The following ENOX1 variants were observed in gnomAD, a reference collection of about 807,000 sequenced individuals.
The protein encoded by ENOX1 is candidate growth-related and time keeping constitutive hydroquinone (NADH) oxidase.
ENOX1 carries 42 observed loss-of-function variants against 82.5 expected under a neutral mutation model. The ratio of observed to expected loss-of-function variants is 0.51; its 90% CI spans 0.40 to 0.66. The LOEUF (loss-of-function observed/expected upper bound fraction) is 0.66. ENOX1 is among the 30% of genes least tolerant of loss of function. The pLI, the probability that ENOX1 is intolerant of heterozygous loss-of-function variation, is 0.00. For synonymous variants in ENOX1, 271 were observed against 282.2 expected (o/e 0.96, Z 0.40); for missense variants, 608 against 811.6 (o/e 0.75, Z 3.05).
At chr13:43,771,641 G>C (rs1951608019) in intron 1 of ENOX1, among the ~76,000 whole-genome samples, 1 of 152,114 alleles carries the variant, frequency 6.6e-6, no homozygotes, top group African/African-American at 2.4e-5. Context: ...TCTACCAAAG[G>C]CAAACAGAAG....
chr13:43,260,256 G>T (rs1307295521), intron 14 of ENOX1, among the ~76,000 whole-genome samples: 1 of 152,234 alleles, frequency 6.6e-6, no homozygotes, highest in Non-Finnish European at 1.5e-5. Context: ...AGGAGGTGAC[G>T]TGAAAAACTG....
In ENOX1 at chr13:43,673,335, G is replaced by A. The variant is rs371866572; in HGVS notation, c.-284-5791C>T. On this transcript the variant is annotated intron_variant, in intron 1 of 16. Transcript: ENST00000690772. Reference sequence around the variant, plus strand: ...CTTCTACCATATCCCTGACACATACGACTCACCCAGAGGATCCACTTTTCA... The same window carrying A: ...CTTCTACCATATCCCTGACACATACAACTCACCCAGAGGATCCACTTTTCA... Among the ~76,000 whole-genome samples the A allele has an allele frequency of 5.9e-5, 9 of 152,080 alleles. No individual in the cohort carries two copies. In the East Asian group the frequency reaches 7.7e-4, roughly 13 times the overall value.
intron 3 of ENOX1, among the ~76,000 whole-genome samples, chr13:43,438,139 G>T (rs2056145008): frequency 6.6e-6 from 1 of 152,206 alleles, no homozygotes; most frequent in Admixed American, 6.5e-5. Flanking sequence ...GTAGGCAGGG[G>T]TCATGCTAAG....
intron 2 of ENOX1, among the ~76,000 whole-genome samples, chr13:43,659,942 C>A (rs183416105): frequency 4.6e-5 from 7 of 152,322 alleles, no homozygotes. Context: ...TTTCCTGATA[C>A]TTCTCAATCC....
chr13:43,756,549 C>CAG (rs1335268552), intron 1 of ENOX1, among the ~76,000 whole-genome samples: 1 of 147,454 alleles, frequency 6.8e-6, no homozygotes, highest in Non-Finnish European at 1.5e-5. Context: ...GGAGGGGAGG[C>CAG]AGAGAGAGAG....
At chr13:43,406,710 G>A (rs1382743519) in intron 5 of ENOX1, among the ~76,000 whole-genome samples, 3 of 152,008 alleles carry the variant, frequency 2.0e-5, no homozygotes, top group East Asian at 3.9e-4. Context: ...AGCCAGGATA[G>A]TCTCAATCTC....
chr13:43,448,489 C>T lies in ENOX1; in HGVS notation c.-74-35501G>A, dbSNP rs561049858. Among the ~76,000 whole-genome samples the T allele has an allele frequency of 5.4e-4, 82 of 152,198 alleles. 1 individual carries two copies. The highest frequency in any genetic ancestry group is 1.8e-3 in the African/African-American group (73 of 41,510). ...CTTTGCCATTTCAAAGAGTTACTAG[C>T]CTTGAGGCTATAGTTATAAGACAAA... On this transcript the variant is annotated intron_variant, in intron 3 of 16. Transcript: ENST00000690772.
rs187018465 is a variant in ENOX1 at position 43,557,822 on chromosome 13, A to G, written c.-218-73670T>C. On this transcript the variant is annotated intron_variant, in intron 2 of 16. Coordinates refer to ENST00000690772, the MANE Select transcript of ENOX1 (RefSeq NM_001347969.2). Reference sequence around the variant, plus strand: ...CTAACAGAAGTTTTAAATTTTTAAAAAATTCATTTTGTGGTTGTAAGTACA... The same window carrying G: ...CTAACAGAAGTTTTAAATTTTTAAAGAATTCATTTTGTGGTTGTAAGTACA... 4.6e-5 allele frequency among the ~76,000 whole-genome samples: 7 copies of G among 152,290 alleles called. No homozygotes were observed. In the East Asian group the frequency reaches 1.3e-3, roughly 29 times the overall value.
At chr13:43,289,240 A>G (rs780511122) in intron 12 of ENOX1, among the ~76,000 whole-genome samples, 1 of 152,170 alleles carries the variant, frequency 6.6e-6, no homozygotes, top group East Asian at 1.9e-4. Context: ...TATGGAACCA[A>G]AAAGAGCCCC....
At chr13:43,491,037 T>G (rs1485539093) in intron 2 of ENOX1, among the ~76,000 whole-genome samples, 1 of 152,212 alleles carries the variant, frequency 6.6e-6, no homozygotes, top group Non-Finnish European at 1.5e-5. Context: ...AAATTTATTT[T>G]GGCTTATGGT....
intron 2 of ENOX1, among the ~76,000 whole-genome samples, chr13:43,619,531 A>T (rs2082633849): frequency 6.6e-6 from 1 of 151,938 alleles, no homozygotes; most frequent in Non-Finnish European, 1.5e-5. Context: ...GTCTTAAATT[A>T]TGTTTATGTG....
intron 5 of ENOX1, among the ~76,000 whole-genome samples, chr13:43,392,895 T>C (rs1431361923): frequency 6.6e-6 from 1 of 152,206 alleles, no homozygotes; most frequent in Admixed American, 6.5e-5. Flanking sequence ...ATTAGATGTG[T>C]TTTGAAGAAA....
At chr13:43,520,218 G>A (rs746839953) in intron 2 of ENOX1, among the ~76,000 whole-genome samples, 7 of 152,028 alleles carry the variant, frequency 4.6e-5, no homozygotes, top group Non-Finnish European at 1.0e-4. Flanking sequence ...TCATGACCCT[G>A]GATAGTACCC....
intron 3 of ENOX1, among the ~76,000 whole-genome samples, chr13:43,462,575 C>T (rs995424739): frequency 2.0e-5 from 3 of 152,008 alleles, no homozygotes; most frequent in African/African-American, 7.3e-5. Flanking sequence ...GCCATGCATA[C>T]TACAGCATAT....
At chr13:43,405,915 T>A (rs1209497416) in intron 5 of ENOX1, among the ~76,000 whole-genome samples, 1 of 152,230 alleles carries the variant, frequency 6.6e-6, no homozygotes, top group East Asian at 1.9e-4. Context: ...ATTAGTAGCA[T>A]AACCACTTAT....
At chr13:43,412,084 T>A in intron 4 of ENOX1, 31 bp from the exon 5 acceptor site, 1 of 1,604,380 alleles carries the variant, frequency 6.2e-7, no homozygotes, top group Non-Finnish European at 8.5e-7. Flanking sequence ...TGATTTAGAG[T>A]CCATAGGCAA....
chr13:43,542,978 G>A (rs1420393377), intron 2 of ENOX1, among the ~76,000 whole-genome samples: 2 of 152,098 alleles, frequency 1.3e-5, no homozygotes, highest in South Asian at 2.1e-4. Context: ...CTCCGGCTAC[G>A]TGACCCAATC....
intron 11 of ENOX1, among the ~76,000 whole-genome samples, chr13:43,307,132 A>G (rs2046913864): frequency 6.6e-6 from 1 of 152,224 alleles, no homozygotes; most frequent in Non-Finnish European, 1.5e-5. Context: ...ATGCTTGGGC[A>G]ATGACTCTGC....
intron 2 of ENOX1, among the ~76,000 whole-genome samples, chr13:43,523,568 A>G (rs1422071570): frequency 1.3e-5 from 2 of 152,178 alleles, no homozygotes; most frequent in Non-Finnish European, 2.9e-5. Context: ...TAGCAGCTAA[A>G]CTATTTTCAA....
Sources: gnomAD v4.1 joint callset for allele counts (sites outside exome capture counted in the v4.1 genomes callset) on GRCh38, gnomAD v4.1.1 for gene constraint, MANE v1.5 for transcripts, NCBI Gene and HGNC (gene_info 2026-07-23, HGNC 2026-07-21) for gene names.